The following ADGRL3 variants were observed in gnomAD, a reference collection of about 807,000 sequenced individuals.
The protein encoded by ADGRL3 is adhesion G protein-coupled receptor L3.
Under a neutral mutation model 153.5 loss-of-function variants are expected in ADGRL3, and 62 were observed. The ratio of observed to expected loss-of-function variants is 0.40; its 90% CI spans 0.33 to 0.50. The LOEUF (loss-of-function observed/expected upper bound fraction) is 0.50, where lower values mean the gene tolerates loss of function less well. ADGRL3 is among the 20% of genes least tolerant of loss of function. The probability of loss-of-function intolerance (pLI) is 0.47; values close to 1 mark genes in which losing one functional copy is unlikely to be tolerated. For synonymous variants in ADGRL3, 710 were observed against 672.5 expected (o/e 1.06, Z -0.86); for missense variants, 1,641 against 1,859.4 (o/e 0.88, Z 2.16).
chr4:61,501,121 C>T (rs918944630), intron 3 of ADGRL3, among the ~76,000 whole-genome samples: 2 of 152,166 alleles, frequency 1.3e-5, no homozygotes, highest in Non-Finnish European at 2.9e-5. Flanking sequence ...AGCTCTGCCA[C>T]CTACTGGCTC....
intron 11 of ADGRL3, among the ~76,000 whole-genome samples, chr4:61,901,653 T>A (rs2098665382): frequency 6.6e-6 from 1 of 152,206 alleles, no homozygotes; most frequent in Admixed American, 6.5e-5. Flanking sequence ...CAATGCTATG[T>A]GTAATTCCTT....
chr4:61,319,230 T>A (rs1312285257), intron 1 of ADGRL3, among the ~76,000 whole-genome samples: 2 of 152,134 alleles, frequency 1.3e-5, no homozygotes, highest in Non-Finnish European at 2.9e-5. Context: ...CACCACTCAA[T>A]GAAAATACAT....
At chr4:61,413,660 A>G (rs1396985416) in intron 2 of ADGRL3, among the ~76,000 whole-genome samples, 3 of 152,148 alleles carry the variant, frequency 2.0e-5, no homozygotes, top group Admixed American at 1.3e-4. Flanking sequence ...TCAGGAAAGC[A>G]AGCTTTACTG....
intron 1 of ADGRL3, among the ~76,000 whole-genome samples, chr4:61,322,416 A>C (rs1286150942): frequency 3.3e-5 from 5 of 152,232 alleles, no homozygotes; most frequent in African/African-American, 1.2e-4. Context: ...AGTCTCAACT[A>C]ATTTTAGCAG....
rs191794993 is a variant in ADGRL3 at position 61,775,668 on chromosome 4, C to T, written c.1400-38141C>T. 1.5e-4 allele frequency: 224 copies of T among 1,509,568 alleles called. 1 individual carries two copies. The African/African-American group carries it at 2.3e-3, about 16-fold the overall frequency. 93.5% of individuals were successfully genotyped at this position (1,509,568 alleles called of 1,614,324 possible). On this transcript the variant is annotated intron_variant, in intron 8 of 26. Transcript: ENST00000683033. ...AAAGGGCCTCCACCAACTTGACATA[C>T]ATCACAGGCTCATCACAGTTGGATG...
chr4:61,547,951 C>T (rs1579459802), intron 4 of ADGRL3, among the ~76,000 whole-genome samples: 1 of 151,942 alleles, frequency 6.6e-6, no homozygotes. Context: ...GCCATTCTTA[C>T]TGGTGTAAGA....
intron 1 of ADGRL3, among the ~76,000 whole-genome samples, chr4:61,226,628 T>A (rs1350791901): frequency 6.6e-6 from 1 of 152,188 alleles, no homozygotes; most frequent in African/African-American, 2.4e-5. Flanking sequence ...AGAATATATG[T>A]GATCTCTGTT....
At chr4:61,639,032 G>A (rs896437296) in intron 5 of ADGRL3, among the ~76,000 whole-genome samples, 1 of 152,076 alleles carries the variant, frequency 6.6e-6, no homozygotes, top group Admixed American at 6.6e-5. Flanking sequence ...CAGTCAGACT[G>A]TACTCCCACA....
intron 13 of ADGRL3, among the ~76,000 whole-genome samples, chr4:61,915,576 C>A (rs774253979): frequency 2.4e-4 from 37 of 152,010 alleles, no homozygotes; most frequent in South Asian, 4.2e-4. Flanking sequence ...TGGTTGATTT[C>A]CTGGGTTATA....
At chr4:61,497,808 G>A (rs1314862755) in intron 3 of ADGRL3, among the ~76,000 whole-genome samples, 1 of 151,868 alleles carries the variant, frequency 6.6e-6, no homozygotes, top group Admixed American at 6.6e-5. Flanking sequence ...ACAGGCGTGA[G>A]CCACCGCGCC....
chr4:61,967,134 G>GA (rs1189623111), intron 17 of ADGRL3, among the ~76,000 whole-genome samples: 6 of 152,102 alleles, frequency 3.9e-5, no homozygotes, highest in African/African-American at 7.2e-5. Context: ...CCAATAGTGT[G>GA]AAAAAATGTA....
chr4:61,260,344 G>A (rs769690583), intron 1 of ADGRL3, among the ~76,000 whole-genome samples: 1 of 152,146 alleles, frequency 6.6e-6, no homozygotes, highest in Admixed American at 6.5e-5. Context: ...ATCTCTGTCT[G>A]TTCTTTTCTC....
chr4:61,460,772 T>C lies in ADGRL3; in HGVS notation c.-173-36349T>C, dbSNP rs1006403879. Among the ~76,000 whole-genome samples the C allele has an allele frequency of 7.9e-5, 12 of 152,080 alleles. 1 individual carries two copies. Among genetic ancestry groups the C allele is most frequent in the African/African-American group, 2.9e-4 (12 of 41,414 alleles). ...GCCAAGCAAAAGGGGAAACCCTTTATAAAACCATCAGATCGGCCAGGCGCA... is the reference window on the plus strand; with the variant it reads ...GCCAAGCAAAAGGGGAAACCCTTTACAAAACCATCAGATCGGCCAGGCGCA... On this transcript the variant is annotated intron_variant, in intron 2 of 26. Transcript: ENST00000683033.
At chr4:61,993,054 A>C (rs1375939918) in intron 19 of ADGRL3, among the ~76,000 whole-genome samples, 1 of 152,002 alleles carries the variant, frequency 6.6e-6, no homozygotes, top group East Asian at 1.9e-4. Context: ...GCTTTCAAAA[A>C]CTTATTTGAC....
chr4:61,206,693 T>C (rs1737367408), intron 1 of ADGRL3, among the ~76,000 whole-genome samples: 1 of 152,106 alleles, frequency 6.6e-6, no homozygotes, highest in South Asian at 2.1e-4. Flanking sequence ...TCAAAAGTCA[T>C]TTTAGAGGCT....
intron 8 of ADGRL3, among the ~76,000 whole-genome samples, chr4:61,791,941 A>G (rs900324752): frequency 6.6e-6 from 1 of 152,112 alleles, no homozygotes; most frequent in Non-Finnish European, 1.5e-5. Flanking sequence ...CCGGCCCATG[A>G]AACCACTTTT....
At chr4:61,767,638 G>T (rs1230440211) in intron 8 of ADGRL3, among the ~76,000 whole-genome samples, 1 of 152,152 alleles carries the variant, frequency 6.6e-6, no homozygotes, top group East Asian at 1.9e-4. Context: ...TGGCTGCCAG[G>T]TGAGTTGAAC....
At chr4:61,852,274 CTTATT>C (rs1319502724) in intron 9 of ADGRL3, among the ~76,000 whole-genome samples, 6 of 150,744 alleles carry the variant, frequency 4.0e-5, no homozygotes, top group East Asian at 3.9e-4. Flanking sequence ...CATTTAACTA[CTTATT>C]TTATTTTAAT....
chr4:61,684,020 T>C (rs987127302), intron 6 of ADGRL3, among the ~76,000 whole-genome samples: 3 of 152,084 alleles, frequency 2.0e-5, no homozygotes, highest in African/African-American at 7.2e-5. Context: ...ATAAATCGCA[T>C]GGAGAATGTG....
Sources: allele counts gnomAD v4.1 joint callset (sites outside exome capture counted in the v4.1 genomes callset), GRCh38; gene constraint gnomAD v4.1.1; transcripts MANE v1.5; gene names NCBI Gene and HGNC (gene_info 2026-07-23, HGNC 2026-07-21).